The following C17orf99 variants were observed in gnomAD, a reference collection of about 807,000 sequenced individuals.
C17orf99 encodes chromosome 17 open reading frame 99, also known as protein IL-40.
A neutral mutation model predicts 22.6 loss-of-function variants in C17orf99; 18 were observed. That is an observed-to-expected ratio of 0.80 (90% CI 0.55 to 1.18). The LOEUF is 1.18. Ranked by LOEUF, C17orf99 falls within the 50% of genes most tolerant of loss-of-function variation. C17orf99 has a pLI of 0.00. For missense variants in C17orf99, 328 were observed against 342.7 expected (o/e 0.96, Z 0.34); for synonymous variants, 147 against 136.6 (o/e 1.08, Z -0.53).
rs1271147625 is a variant in C17orf99, at chr17:78,164,125, C to A, written c.401C>A (p.Thr134Asn). The A allele has an allele frequency of 1.7e-5, 26 of 1,551,632 alleles. No homozygotes were observed. Among genetic ancestry groups the A allele is most frequent in the Non-Finnish European group, 2.1e-5 (24 of 1,147,026 alleles). ...KPVSELRANF[T>N]LQDRGAGPRV... The stretch of plus-strand genomic sequence containing the variant: ...GTGTCTGAGCTGCGGGCCAACTTCA[C>A]TCTGCAGGACAGAGGGGCAGGCCCC... Residue 134 changes from threonine (T) to asparagine (N), a missense_variant, in exon 4 of 5, where the codon ACT becomes AAT. By Grantham distance (65) the Thr-to-Asn change is moderately conservative (BLOSUM62 0). Transcript: ENST00000340363.
Position 78,146,491 on chromosome 17 carries a change from A to C in C17orf99, c.37+47A>C. 1 of 1,533,912 alleles carries C rather than the reference A, an allele frequency of 6.5e-7. No homozygotes were observed. The highest frequency in any genetic ancestry group is 8.8e-7 in the Non-Finnish European group (1 of 1,134,782). On this transcript the variant is annotated intron_variant, in intron 1 of 4. Coordinates refer to ENST00000340363, the MANE Select transcript of C17orf99 (RefSeq NM_001163075.2). The surrounding 1 kb of genome is among the most constrained non-coding windows in gnomAD (Gnocchi z 5.2). ...TGGTGGGGCTGCTGCTGGGGCCTTG[A>C]GGTCTTGGGCTCAGGTGGGGGTACT...
At chr17:78,159,716 G>A (rs1055991808) in intron 2 of C17orf99, among the ~76,000 whole-genome samples, 1 of 151,944 alleles carries the variant, frequency 6.6e-6, no homozygotes, top group Non-Finnish European at 1.5e-5. Flanking sequence ...CTATTAGGCA[G>A]TTACTCCCCA....
chr17:78,165,102 C>G, intron 4 of C17orf99: 1 of 1,048,994 alleles, frequency 9.5e-7, no homozygotes, highest in South Asian at 3.0e-5. Context: ...AGGGTCCCCT[C>G]TCCAAGGCCA....
upstream of C17orf99, chr17:78,146,314 C>T (rs1567814955): frequency 1.1e-5 from 13 of 1,189,454 alleles, no homozygotes; most frequent in Non-Finnish European, 1.4e-5. This position sits in a 1 kb window ranked among gnomAD's most constrained non-coding sequence, Gnocchi z 5.2. Flanking sequence ...CTGCAGGCAC[C>T]CACCCAGGGA....
chr17:78,157,726 G>A (rs2075538805), intron 2 of C17orf99: 2 of 480,968 alleles, frequency 4.2e-6, no homozygotes, highest in South Asian at 2.0e-5. Flanking sequence ...AAACCCGGGA[G>A]GCAGAGCTTG....
At chr17:78,164,034 T>C in intron 3 of C17orf99, 61 bp from the exon 4 acceptor site, 1 of 1,368,312 alleles carries the variant, frequency 7.3e-7, no homozygotes. Flanking sequence ...GAGAACTTAC[T>C]GAGGAGGAGG....
At chr17:78,150,270 G>A (rs1259519206) in intron 2 of C17orf99, among the ~76,000 whole-genome samples, 1 of 152,178 alleles carries the variant, frequency 6.6e-6, no homozygotes, top group East Asian at 1.9e-4. Context: ...GCCTCCCAAA[G>A]TGCTGGGATT....
At position 78,166,075 on chromosome 17, in the gene C17orf99, C is replaced by A; in HGVS notation, c.*29C>A. On this transcript the variant is annotated 3_prime_UTR_variant, in exon 5 of 5. Transcript: ENST00000340363. ...GAACCGTCCAGAGAGCCAAGCACGG[C>A]AGAGGACTGCAGGCCATCAGCGTGC... is the stretch of plus-strand genomic sequence containing the variant. 2 of 849,706 alleles carry A rather than the reference C, an allele frequency of 2.4e-6. No homozygotes were observed. Among genetic ancestry groups the A allele is most frequent in the Non-Finnish European group, 3.3e-6 (2 of 613,114 alleles). The allele number at this position is 849,706 out of a possible 1,614,324, so 52.6% of individuals were successfully genotyped here.
chr17:78,165,360 T>C (rs2075609774), intron 4 of C17orf99: 1 of 985,514 alleles, frequency 1.0e-6, no homozygotes, highest in Admixed American at 6.1e-5. Context: ...AAGTCTGTTC[T>C]TTCCAGAAGC....
chr17:78,164,230 A>C lies in C17orf99; in HGVS notation c.506A>C (p.His169Pro), dbSNP rs1598954315. Residue 169 changes from histidine (H) to proline (P), a missense_variant, in exon 4 of 5, where the codon CAC (histidine) becomes CCC (proline). By Grantham distance (77) the His-to-Pro change is moderately conservative. Transcript: ENST00000340363. ...CTGATCGGGAAGGATGGGCAGGTCC[A>C]CCTGCAGCAGAGACCATGCCACAGG... ...NSLIGKDGQV[H>P]LQQRPCHRQP... The C allele has an allele frequency of 6.4e-7, 1 of 1,551,542 alleles. No homozygotes were observed. The highest frequency in any genetic ancestry group is 1.2e-5 in the South Asian group (1 of 84,066).
intron 2 of C17orf99, chr17:78,158,653 TG>T: frequency 6.0e-6 from 1 of 166,738 alleles, no homozygotes. Context: ...CTCAATCTGT[TG>T]GGGGAGCCCC....
At chr17:78,161,619 T>C (rs1244759680) in intron 3 of C17orf99, among the ~76,000 whole-genome samples, 1 of 152,068 alleles carries the variant, frequency 6.6e-6, no homozygotes, top group Admixed American at 6.6e-5. Flanking sequence ...CGAGACAGGC[T>C]GATCGCTTGA....
At chr17:78,152,819 C>T (rs1349165335) in intron 2 of C17orf99, among the ~76,000 whole-genome samples, 2 of 151,898 alleles carry the variant, frequency 1.3e-5, no homozygotes, top group South Asian at 2.1e-4. Context: ...GGGTGGCTCA[C>T]GCCTATAATC....
At position 78,146,531 on chromosome 17, in the gene C17orf99, G is replaced by A. The variant is rs577960303; in HGVS notation, c.37+87G>A. ...GTGGGGGTACTGGGAGCACAGGAGAGATGAGGCCTGAAGGAAGGGCACCTC... is the reference window on the plus strand; with the variant it reads ...GTGGGGGTACTGGGAGCACAGGAGAAATGAGGCCTGAAGGAAGGGCACCTC... On this transcript the variant is annotated intron_variant, in intron 1 of 4. Transcript: ENST00000340363. The surrounding 1 kb of genome is among the most constrained non-coding windows in gnomAD (Gnocchi z 5.2). 144 of 1,233,152 alleles carry A rather than the reference G, an allele frequency of 1.2e-4. No homozygotes were observed. The Middle Eastern group carries it at 1.7e-3, about 14-fold the overall frequency. The allele number at this position is 1,233,152 out of a possible 1,614,324, so 76.4% of individuals were successfully genotyped here. A position where few individuals can be genotyped will look rare whatever the true frequency, so the allele number is the denominator to read the frequency against.
chr17:78,165,477 G>A, intron 4 of C17orf99: 1 of 985,956 alleles, frequency 1.0e-6, no homozygotes, highest in Non-Finnish European at 1.2e-6. Flanking sequence ...TGTCTCTTCT[G>A]CTGGGGCACT....
intron 2 of C17orf99, chr17:78,157,841 C>T (rs2075540634): frequency 1.2e-6 from 1 of 810,244 alleles, no homozygotes; most frequent in Non-Finnish European, 2.0e-6. Context: ...CTTTGTGGTA[C>T]TCAAAGGCCG....
At chr17:78,150,300 C>G (rs1031174408) in intron 2 of C17orf99, among the ~76,000 whole-genome samples, 1 of 152,176 alleles carries the variant, frequency 6.6e-6, no homozygotes, top group Non-Finnish European at 1.5e-5. Flanking sequence ...AGCCACCCTG[C>G]CTGGCCTAAT....
chr17:78,148,015 C>A (rs1352663329), intron 2 of C17orf99, among the ~76,000 whole-genome samples: 1 of 152,142 alleles, frequency 6.6e-6, no homozygotes, highest in African/African-American at 2.4e-5. Flanking sequence ...CAATTCCAGG[C>A]CCTGAGAATG....
chr17:78,153,357 T>C (rs2075500250), intron 2 of C17orf99, among the ~76,000 whole-genome samples: 1 of 151,808 alleles, frequency 6.6e-6, no homozygotes, highest in Admixed American at 6.6e-5. Flanking sequence ...TGGTGGTGCA[T>C]GCCTGTAATC....
Sources: gnomAD v4.1 joint callset for allele counts (sites outside exome capture counted in the v4.1 genomes callset) on GRCh38, gnomAD v4.1.1 for gene constraint, Gnocchi (gnomAD v3.1) non-coding constraint, MANE v1.5 for transcripts, NCBI Gene and HGNC (gene_info 2026-07-23, HGNC 2026-07-21) for gene names.